WEE1: variants seen among roughly 807,000 people sequenced by gnomAD.
WEE1 encodes WEE1 G2 checkpoint kinase, also known as wee1-like protein kinase.
Under a neutral mutation model 68.8 loss-of-function variants are expected in WEE1, and 16 were observed. That is an observed-to-expected ratio of 0.23 (90% CI 0.16 to 0.35). WEE1 has a LOEUF of 0.35. WEE1 is among the 10% of genes least tolerant of loss of function. WEE1 has a pLI of 1.00. For synonymous variants in WEE1, 349 were observed against 318.7 expected, an observed-to-expected ratio of 1.09 and a Z score of -1.01; for missense variants, 651 against 824.1, an observed-to-expected ratio of 0.79 and a Z score of 2.57.
At chr11:9,577,091 A>C in intron 4 of WEE1, 51 bp from the exon 5 acceptor site, 1 of 1,564,310 alleles carries the variant, frequency 6.4e-7, no homozygotes, top group Non-Finnish European at 8.6e-7. Flanking sequence ...AATTCAGTTT[A>C]AGCTTGAGTG....
chr11:9,583,792 CACACACACACATATATATATATATATAT>C (rs1257405275), intron 6 of WEE1, among the ~76,000 whole-genome samples: 5 of 31,030 alleles, frequency 1.6e-4, no homozygotes, highest in African/African-American at 5.1e-4. Flanking sequence ...CACACACACA[CACACACACACATATATATATATATATAT>C]ATATATATAT....
intron 6 of WEE1, among the ~76,000 whole-genome samples, chr11:9,582,188 TG>T (rs1003451745): frequency 2.6e-5 from 4 of 152,252 alleles, no homozygotes; most frequent in African/African-American, 9.6e-5. Flanking sequence ...CCTTAATAGT[TG>T]ATTTGTTCAA....
In WEE1 at chr11:9,589,965, A is replaced by G. The variant is rs1268594118; in HGVS notation, c.*1363A>G. On this transcript the variant is annotated 3_prime_UTR_variant, in exon 11 of 11. Transcript: ENST00000450114. ...AATATCTTCAAATTATTAAGTGAAT[A>G]TAATATGATTCATAACTTTCTGATT... 6.5e-6 allele frequency: 1 copy of G among 153,856 alleles called. No homozygotes were observed. The highest frequency in any genetic ancestry group is 2.4e-5 in the African/African-American group (1 of 41,488). 9.5% of individuals were successfully genotyped at this position (153,856 alleles called of 1,614,324 possible). A position where few individuals can be genotyped will look rare whatever the true frequency, so the allele number is the denominator to read the frequency against.
In WEE1 at chr11:9,574,595, C is replaced by G. The variant is rs1849542890; in HGVS notation, c.576+86C>G. On this transcript the variant is annotated intron_variant, in intron 1 of 10. Coordinates refer to ENST00000450114, the MANE Select transcript of WEE1 (RefSeq NM_003390.4). The surrounding 1 kb of genome is among the most constrained non-coding windows in gnomAD (Gnocchi z 4.9). ...CGCTGCCTGGGTTCGGTTACAGAAG[C>G]GGCCGGCCGCTCCCCCCTCGCTTTC... 3 of 1,123,788 alleles carry G rather than the reference C, an allele frequency of 2.7e-6. No homozygotes were observed. Among genetic ancestry groups the G allele is most frequent in the East Asian group, 9.8e-5 (2 of 20,376 alleles). 69.6% of individuals were successfully genotyped at this position (1,123,788 alleles called of 1,614,324 possible).
rs774381175 is a variant in WEE1 at position 9,586,609 on chromosome 11, A to G, written c.1631A>G (p.Glu544Gly). 1.8e-5 allele frequency: 29 copies of G among 1,614,056 alleles called. No homozygotes were observed. The highest frequency in any genetic ancestry group is 2.5e-5 in the Non-Finnish European group (29 of 1,179,978). Residue 544 changes from glutamate to glycine, a missense_variant, in exon 9 of 11, where the codon GAG (glutamate) becomes GGG (glycine). Around this residue, in one of 5 missense-constraint regions of WEE1, gnomAD observed 115 missense variants for 142.7 expected, o/e 0.81. Transcript: ENST00000450114. The part of the protein sequence containing the change: ...IPQVLSQEFT[E>G]LLKVMIHPDP... The stretch of plus-strand genomic sequence containing the variant: ...CAAGTGCTTTCCCAAGAATTTACAG[A>G]GTTGCTAAAAGTGAGCATTTTATAT...
chr11:9,574,633 C>T lies in WEE1; in HGVS notation c.576+124C>T, dbSNP rs1052531781. 3 of 1,119,578 alleles carry T rather than the reference C, an allele frequency of 2.7e-6. No individual in the cohort carries two copies. The highest frequency in any genetic ancestry group is 5.0e-5 in the East Asian group (1 of 19,932). 69.4% of individuals were successfully genotyped at this position (1,119,578 alleles called of 1,614,324 possible). A position where few individuals can be genotyped will look rare whatever the true frequency, so the allele number is the denominator to read the frequency against. On this transcript the variant is annotated intron_variant, in intron 1 of 10. Coordinates refer to ENST00000450114, the MANE Select transcript of WEE1 (RefSeq NM_003390.4). This position sits in a 1 kb window ranked among gnomAD's most constrained non-coding sequence, Gnocchi z 4.9. ...CCCCCTCGCTTTCCTGCGCCGCCCCCCAAAGTTGGCAGCCCTTGTGTTTGG... is the reference window on the plus strand; with the variant it reads ...CCCCCTCGCTTTCCTGCGCCGCCCCTCAAAGTTGGCAGCCCTTGTGTTTGG...
chr11:9,574,267 G>T lies in WEE1; in HGVS notation c.334G>T (p.Asp112Tyr). The change falls in exon 1 of 11, where the codon GAC becomes TAC. Residue 112 changes from aspartate to tyrosine, a missense_variant. By Grantham distance (160) the Asp-to-Tyr change is radical. Transcript: ENST00000450114. This position sits in a 1 kb window ranked among gnomAD's most constrained non-coding sequence, Gnocchi z 4.9. ...ADEAGGGAEG[D>Y]SWEEEGFGSS... ...CGAGGCGGGCGGTGGGGCGGAGGGC[G>T]ACTCGTGGGAGGAGGAGGGCTTCGG... 3 of 1,222,370 alleles carry T rather than the reference G, an allele frequency of 2.5e-6. No individual in the cohort carries two copies. The highest frequency in any genetic ancestry group is 3.6e-5 in the South Asian group (1 of 27,662). The allele number at this position is 1,222,370 out of a possible 1,614,324, so 75.7% of individuals were successfully genotyped here.
chr11:9,585,191 ATGATCT>A, intron 6 of WEE1, 61 bp from the exon 7 acceptor site: 1 of 1,228,514 alleles, frequency 8.1e-7, no homozygotes. Flanking sequence ...ATTCTGGTAT[ATGATCT>A]TGTTTATGAA....
intron 6 of WEE1, among the ~76,000 whole-genome samples, chr11:9,584,584 A>G (rs1384259999): frequency 6.6e-6 from 1 of 152,178 alleles, no homozygotes; most frequent in Non-Finnish European, 1.5e-5. Flanking sequence ...ATTGCAAGGT[A>G]GATGCTATAT....
chr11:9,575,988 A>G lies in WEE1; in HGVS notation c.677A>G (p.Asp226Gly), dbSNP rs1427186270. ...GAAAAATCAGGAAAAAGGGAATTTG[A>G]TGTGCGACAGACTCCTCAAGTGAAT... ...DTEKSGKREF[D>G]VRQTPQVNIN... Residue 226 changes from aspartate to glycine, a missense_variant, in exon 2 of 11, where the codon GAT (aspartate) becomes GGT (glycine). By Grantham distance (94) the Asp-to-Gly change is moderately conservative. This residue lies in a region of WEE1 where 395 missense variants were observed against 378.4 expected (regional missense o/e 1.04). Transcript: ENST00000450114. 6.2e-7 allele frequency: 1 copy of G among 1,614,120 alleles called. No homozygotes were observed.
intron 10 of WEE1, 30 bp downstream of exon 10, chr11:9,586,886 C>T (rs770039234): frequency 6.3e-7 from 1 of 1,576,500 alleles, no homozygotes; most frequent in Non-Finnish European, 8.6e-7. Context: ...TTTCTTTTTG[C>T]TTTTTCATTC....
At position 9,586,781 on chromosome 11, in the gene WEE1, C is replaced by G; in HGVS notation, c.1712C>G (p.Ser571Cys). ...CTGGTAAAGCATTCAGTATTGCTGTCCGCTTCTAGAAAGAGTGCAGAACAA... is the reference window on the plus strand; with the variant it reads ...CTGGTAAAGCATTCAGTATTGCTGTGCGCTTCTAGAAAGAGTGCAGAACAA... ...MALVKHSVLLSASRKSAEQLR... is the reference protein window; with the variant it reads ...MALVKHSVLLCASRKSAEQLR... Residue 571 changes from serine (S) to cysteine (C), a missense_variant, in exon 10 of 11, where the codon TCC becomes TGC. Coordinates refer to ENST00000450114, the MANE Select transcript of WEE1 (RefSeq NM_003390.4). 1 of 1,613,980 alleles carries G rather than the reference C, an allele frequency of 6.2e-7. No homozygotes were observed. Among genetic ancestry groups the G allele is most frequent in the African/African-American group, 1.3e-5 (1 of 75,048 alleles).
In WEE1 at chr11:9,574,272, G is replaced by T; in HGVS notation, c.339G>T (p.Ser113=). 8.1e-7 allele frequency: 1 copy of T among 1,232,614 alleles called. No individual in the cohort carries two copies. The highest frequency in any genetic ancestry group is 1.0e-6 in the Non-Finnish European group (1 of 986,244). The allele number at this position is 1,232,614 out of a possible 1,614,324, so 76.4% of individuals were successfully genotyped here. A position where few individuals can be genotyped will look rare whatever the true frequency, so the allele number is the denominator to read the frequency against. ...CGGGCGGTGGGGCGGAGGGCGACTC[G>T]TGGGAGGAGGAGGGCTTCGGCTCCT... is the stretch of plus-strand genomic sequence containing the variant. The part of the protein sequence containing the change: ...DEAGGGAEGD[S]WEEEGFGSSS... The change falls in exon 1 of 11, where the codon TCG becomes TCT. Residue 113 remains serine (S), a synonymous_variant. Coordinates refer to ENST00000450114, the MANE Select transcript of WEE1 (RefSeq NM_003390.4). The surrounding 1 kb of genome is among the most constrained non-coding windows in gnomAD (Gnocchi z 4.9).
At chr11:9,575,771 G>T (rs1215468137) in intron 1 of WEE1, 117 bp from the exon 2 acceptor site, 2 of 794,972 alleles carry the variant, frequency 2.5e-6, no homozygotes, top group South Asian at 3.5e-5. Context: ...ACAAAGGCTT[G>T]TGTGTTGCTT....
chr11:9,577,066 A>C (rs3910385), intron 4 of WEE1, 76 bp from the exon 5 acceptor site: 19,809 of 1,474,922 alleles, frequency 0.013, 152 homozygotes, highest in Non-Finnish European at 0.015. Flanking sequence ...TATTGTATGA[A>C]GTTTCAGATA....
Position 9,586,507 on chromosome 11 carries a change from C to G in WEE1, c.1529C>G (p.Ala510Gly). ...IFALALTVVC[A>G]AGAEPLPRNG... The stretch of plus-strand genomic sequence containing the variant: ...GCGCTTGCCCTCACAGTGGTATGTG[C>G]TGCTGGTGCTGAACCTCTTCCGAGA... Residue 510 changes from alanine to glycine, a missense_variant, in exon 9 of 11, where the codon GCT (alanine) becomes GGT (glycine). Ala to Gly is a moderately conservative substitution (Grantham distance 60). Transcript: ENST00000450114. 1 of 1,614,102 alleles carries G rather than the reference C, an allele frequency of 6.2e-7. No individual in the cohort carries two copies. The highest frequency in any genetic ancestry group is 8.5e-7 in the Non-Finnish European group (1 of 1,179,976).
chr11:9,581,374 C>T (rs1849626039), intron 5 of WEE1, 158 bp from the exon 6 acceptor site: 1 of 619,092 alleles, frequency 1.6e-6, no homozygotes, highest in African/African-American at 1.9e-5. Flanking sequence ...ATTGAAAAAA[C>T]AATAAAATTT....
At position 9,573,905 on chromosome 11, in the gene WEE1, C is replaced by T. The variant is rs1408828290; in HGVS notation, c.-29C>T. The T allele has an allele frequency of 2.4e-6, 3 of 1,237,064 alleles. No homozygotes were observed. The highest frequency in any genetic ancestry group is 4.3e-5 in the Admixed American group (1 of 23,352). 76.6% of individuals were successfully genotyped at this position (1,237,064 alleles called of 1,614,324 possible). A position where few individuals can be genotyped will look rare whatever the true frequency, so the allele number is the denominator to read the frequency against. ...CTGGACCCCGCAGGCCTCCGCTCTC[C>T]TGTCCTCGGCCCCGTCCCCAGGGCC... is the stretch of plus-strand genomic sequence containing the variant. On this transcript the variant is annotated 5_prime_UTR_variant, in exon 1 of 11. Coordinates refer to ENST00000450114, the MANE Select transcript of WEE1 (RefSeq NM_003390.4).
chr11:9,574,513 A>G lies in WEE1; in HGVS notation c.576+4A>G. 8.3e-7 allele frequency: 1 copy of G among 1,209,066 alleles called. No homozygotes were observed. The highest frequency in any genetic ancestry group is 3.7e-5 in the East Asian group (1 of 26,900). 74.9% of individuals were successfully genotyped at this position (1,209,066 alleles called of 1,614,324 possible). On this transcript the variant is annotated splice_donor_region_variant and intron_variant, in intron 1 of 10. Coordinates refer to ENST00000450114, the MANE Select transcript of WEE1 (RefSeq NM_003390.4). The surrounding 1 kb of genome is among the most constrained non-coding windows in gnomAD (Gnocchi z 4.9). ...CGACACCCCGCACACGCCCAAGGTG[A>G]GAGCGGCGGGCGCGGGCACCCGGCG...
Sources: gnomAD v4.1 joint callset for allele counts (sites outside exome capture counted in the v4.1 genomes callset) on GRCh38, gnomAD v4.1.1 for gene constraint, gnomAD v4.1.1 regional missense constraint, Gnocchi (gnomAD v3.1) non-coding constraint, MANE v1.5 for transcripts, NCBI Gene and HGNC (gene_info 2026-07-23, HGNC 2026-07-21) for gene names.